Variants in TFAP2D observed in about 807,000 individuals in gnomAD.
The protein encoded by TFAP2D is transcription factor AP-2 delta, also known as transcription factor AP-2-delta.
Under a neutral mutation model 43.6 loss-of-function variants are expected in TFAP2D, and 9 were observed. The ratio of observed to expected loss-of-function variants is 0.21; its 90% CI spans 0.12 to 0.36. The LOEUF (loss-of-function observed/expected upper bound fraction) is 0.36. TFAP2D is among the 10% of genes least tolerant of loss of function. The pLI is 1.00. For missense variants in TFAP2D, 513 were observed against 561.4 expected (o/e 0.91, Z 0.87); for synonymous variants, 256 against 224.9 (o/e 1.14, Z -1.24).
At chr6:50,739,111 G>A (rs1378788074) in intron 5 of TFAP2D, among the ~76,000 whole-genome samples, 1 of 152,106 alleles carries the variant, frequency 6.6e-6, no homozygotes, top group East Asian at 1.9e-4. Flanking sequence ...TAGGGTACAT[G>A]TGCACAACAT....
intron 1 of TFAP2D, among the ~76,000 whole-genome samples, chr6:50,714,892 G>T (rs565163815): frequency 3.2e-3 from 479 of 151,918 alleles, no homozygotes; most frequent in Middle Eastern, 0.017. Flanking sequence ...TTTTTTTTCC[G>T]CTCTCTCGAC....
rs756382896 is a variant in TFAP2D at position 50,728,977 on chromosome 6, A to C, written c.720A>C (p.Pro240=). ...CTGAGGTAAAGAGGCGCCTCTCCCC[A>C]CCTGAGTGCCTCAATGCTTCACTCT... is the stretch of plus-strand genomic sequence containing the variant. ...TIAEVKRRLS[P]PECLNASLLG... The change falls in exon 4 of 8, where the codon CCA becomes CCC. Residue 240 remains proline (P), a synonymous_variant. Transcript: ENST00000008391. 6.2e-7 allele frequency: 1 copy of C among 1,613,806 alleles called. No homozygotes were observed. Among genetic ancestry groups the C allele is most frequent in the African/African-American group, 1.3e-5 (1 of 74,864 alleles).
At chr6:50,732,217 G>A (rs930825111) in intron 5 of TFAP2D, among the ~76,000 whole-genome samples, 29 of 152,140 alleles carry the variant, frequency 1.9e-4, no homozygotes, top group African/African-American at 6.3e-4. Flanking sequence ...GGTCTTGTGG[G>A]AAAGAATACG....
intron 5 of TFAP2D, among the ~76,000 whole-genome samples, chr6:50,732,381 C>T (rs1768906752): frequency 6.6e-6 from 1 of 152,026 alleles, no homozygotes; most frequent in South Asian, 2.1e-4. Flanking sequence ...ATAGAGTAGT[C>T]TAGCTATGAC....
chr6:50,749,164 A>G (rs1581772241), intron 6 of TFAP2D, among the ~76,000 whole-genome samples: 1 of 151,762 alleles, frequency 6.6e-6, no homozygotes, highest in African/African-American at 2.4e-5. Flanking sequence ...AGAATTAAAT[A>G]TAAAAGGGGG....
chr6:50,762,830 T>C (rs1769381821), intron 7 of TFAP2D, among the ~76,000 whole-genome samples: 1 of 151,972 alleles, frequency 6.6e-6, no homozygotes, highest in African/African-American at 2.4e-5. Context: ...ATGAAATCAA[T>C]GAGCTGTAAT....
intron 7 of TFAP2D, among the ~76,000 whole-genome samples, chr6:50,766,145 A>C (rs767380292): frequency 2.0e-5 from 3 of 152,174 alleles, no homozygotes; most frequent in Non-Finnish European, 2.9e-5. Context: ...TTGTGTATTC[A>C]TTAAGATCTT....
chr6:50,746,755 T>C (rs1196739897), intron 6 of TFAP2D, among the ~76,000 whole-genome samples: 1 of 152,204 alleles, frequency 6.6e-6, no homozygotes, highest in Non-Finnish European at 1.5e-5. Context: ...TATGGGATAC[T>C]TGCCATCTCA....
chr6:50,748,769 C>T (rs1769160050), intron 6 of TFAP2D, among the ~76,000 whole-genome samples: 1 of 151,776 alleles, frequency 6.6e-6, no homozygotes, highest in African/African-American at 2.4e-5. Flanking sequence ...ATTTGATCTG[C>T]ATTAAGGTAA....
At chr6:50,744,457 G>A (rs1373056265) in intron 5 of TFAP2D, among the ~76,000 whole-genome samples, 1 of 151,174 alleles carries the variant, frequency 6.6e-6, no homozygotes, top group East Asian at 1.9e-4. Context: ...AAAGTTTAGT[G>A]GACAGGTAAG....
intron 7 of TFAP2D, among the ~76,000 whole-genome samples, chr6:50,766,243 C>A (rs1168281592): frequency 6.6e-6 from 1 of 152,168 alleles, no homozygotes; most frequent in African/African-American, 2.4e-5. Flanking sequence ...TATGCCAGTA[C>A]TATACTGTTT....
At chr6:50,748,967 C>T in intron 6 of TFAP2D, among the ~76,000 whole-genome samples, 1 of 151,508 alleles carries the variant, frequency 6.6e-6, no homozygotes, top group East Asian at 1.9e-4. Flanking sequence ...TGACATTTTG[C>T]CTTGAGATGT....
At chr6:50,718,955 GC>G (rs1193580181) in intron 2 of TFAP2D, 134 bp from the exon 3 acceptor site, 3 of 792,546 alleles carry the variant, frequency 3.8e-6, no homozygotes, top group Non-Finnish European at 5.9e-6. Flanking sequence ...TGGCAAGCTT[GC>G]TTCAGCTCAA....
Position 50,772,933 on chromosome 6 carries a change from AG to A in TFAP2D, c.*72del. ...ATTTTTTCTAATATATATATCATTG[AG>A]GGTGACTAATCTTCAGTGGACCAAA... On this transcript the variant is annotated 3_prime_UTR_variant, in exon 8 of 8. Coordinates refer to ENST00000008391, the MANE Select transcript of TFAP2D (RefSeq NM_172238.4). 7.1e-7 allele frequency: 1 copy of A among 1,413,496 alleles called. No individual in the cohort carries two copies. Among genetic ancestry groups the A allele is most frequent in the Non-Finnish European group, 9.7e-7 (1 of 1,033,438 alleles). The allele number at this position is 1,413,496 out of a possible 1,614,324, so 87.6% of individuals were successfully genotyped here.
Position 50,732,559 on chromosome 6 carries a change from G to A in TFAP2D, c.883+3247G>A, listed in dbSNP as rs374952121. On this transcript the variant is annotated intron_variant, in intron 5 of 7. Transcript: ENST00000008391. ...AATCTCATGAAGGTTAAACTTCTAC[G>A]ACTTTGCAGTACTTGACTCTGCCTC... 5.9e-5 allele frequency among the ~76,000 whole-genome samples: 9 copies of A among 152,098 alleles called. No homozygotes were observed. In the South Asian group the frequency reaches 1.7e-3, roughly 28 times the overall value.
intron 7 of TFAP2D, among the ~76,000 whole-genome samples, chr6:50,753,877 T>A (rs796717002): frequency 1.1e-4 from 17 of 152,048 alleles, no homozygotes; most frequent in African/African-American, 3.4e-4. Context: ...TTTATGTAGA[T>A]AAAATCTTCT....
At chr6:50,728,599 G>A (rs1768840732) in intron 3 of TFAP2D, among the ~76,000 whole-genome samples, 1 of 152,138 alleles carries the variant, frequency 6.6e-6, no homozygotes, top group Non-Finnish European at 1.5e-5. Context: ...TGGTGAGTCA[G>A]TCTACACTCC....
At chr6:50,727,148 GT>G (rs1768819729) in intron 3 of TFAP2D, among the ~76,000 whole-genome samples, 1 of 152,150 alleles carries the variant, frequency 6.6e-6, no homozygotes, top group African/African-American at 2.4e-5. Context: ...TTGGTTTGTT[GT>G]TTTTTGGAGG....
Position 50,728,875 on chromosome 6 carries a change from C to A in TFAP2D, c.618C>A (p.Asn206Lys). 6.2e-7 allele frequency: 1 copy of A among 1,613,976 alleles called. No homozygotes were observed. Among genetic ancestry groups the A allele is most frequent in the Non-Finnish European group, 8.5e-7 (1 of 1,179,890 alleles). ...CCCAAGGTGGCACCTGTGTGGTCAACCCCACAGACTTATTTTGCTCTGTCC... is the reference window on the plus strand; with the variant it reads ...CCCAAGGTGGCACCTGTGTGGTCAAACCCACAGACTTATTTTGCTCTGTCC... The part of the protein sequence containing the change: ...VIRRGGTCVV[N>K]PTDLFCSVPG... The change falls in exon 4 of 8, where the codon AAC (asparagine) becomes AAA (lysine). Residue 206 changes from asparagine to lysine, a missense_variant. This residue lies in a region of TFAP2D where 311 missense variants were observed against 316.2 expected (regional missense o/e 0.98). Transcript: ENST00000008391.
Sources: allele counts gnomAD v4.1 joint callset (sites outside exome capture counted in the v4.1 genomes callset), GRCh38; gene constraint gnomAD v4.1.1; regional missense constraint gnomAD v4.1.1; transcripts MANE v1.5; gene names NCBI Gene and HGNC (gene_info 2026-07-23, HGNC 2026-07-21).